The following LRP2 variants were observed in gnomAD, a reference collection of about 807,000 sequenced individuals.
LRP2 encodes LDL receptor related protein 2.
Under a neutral mutation model 531.0 loss-of-function variants are expected in LRP2, and 172 were observed. The ratio of observed to expected loss-of-function variants is 0.32; its 90% CI spans 0.29 to 0.37. The LOEUF is 0.37. LRP2 is among the 10% of genes least tolerant of loss of function. LRP2 has a pLI of 1.00. For missense variants in LRP2, 5,167 were observed against 5,868.3 expected (o/e 0.88, Z 3.90); for synonymous variants, 1,992 against 2,027.6 (o/e 0.98, Z 0.47).
At chr2:169,336,311 T>C (rs1685402123) in intron 1 of LRP2, among the ~76,000 whole-genome samples, 1 of 151,554 alleles carries the variant, frequency 6.6e-6, no homozygotes, top group South Asian at 2.1e-4. Context: ...GCTGAGGCAG[T>C]TGGATCACTG....
chr2:169,319,373 ATAAAAT>A (rs1381411608), intron 2 of LRP2, among the ~76,000 whole-genome samples: 1 of 152,236 alleles, frequency 6.6e-6, no homozygotes, highest in African/African-American at 2.4e-5. Context: ...TGTATGCATC[ATAAAAT>A]GGGGACTATA....
chr2:169,244,956 T>C (rs766709108), intron 21 of LRP2, 24 bp from the exon 22 acceptor site: 4 of 1,614,022 alleles, frequency 2.5e-6, no homozygotes, highest in Non-Finnish European at 3.4e-6. Context: ...AAACTGGTCA[T>C]GAAGACATTT....
At chr2:169,263,505 T>C (rs1015385052) in intron 16 of LRP2, among the ~76,000 whole-genome samples, 1 of 151,006 alleles carries the variant, frequency 6.6e-6, no homozygotes, top group African/African-American at 2.4e-5. Flanking sequence ...ATGCTCACCA[T>C]CACTGGCCAT....
intron 1 of LRP2, among the ~76,000 whole-genome samples, chr2:169,345,220 T>C (rs1685665744): frequency 1.3e-5 from 2 of 152,106 alleles, no homozygotes; most frequent in South Asian, 4.1e-4. Context: ...ATTTCTTGAG[T>C]GTGTTTTCTT....
At position 169,150,924 on chromosome 2, in the gene LRP2, A is replaced by G. The variant is rs767829235; in HGVS notation, c.12564T>C (p.Ala4188=). 61 of 1,613,994 alleles carry G rather than the reference A, an allele frequency of 3.8e-5. No homozygotes were observed. The highest frequency in any genetic ancestry group is 4.5e-5 in the Non-Finnish European group (53 of 1,179,972). ...WLISTDLDQP[A]AIAVNPKLGL... is the part of the protein sequence containing the mutation. ...CTAGTTTGGGATTCACAGCAATAGCAGCTGGTTGGTCCAGGTCAGTGGAAA... is the reference window on the plus strand; with the variant it reads ...CTAGTTTGGGATTCACAGCAATAGCGGCTGGTTGGTCCAGGTCAGTGGAAA... Residue 4188 remains alanine (A), a synonymous_variant, in exon 68 of 79, where the codon GCT becomes GCC. Coordinates refer to ENST00000649046, the MANE Select transcript of LRP2 (RefSeq NM_004525.3).
chr2:169,193,707 T>G (rs1232943699), intron 47 of LRP2, 54 bp downstream of exon 47: 2 of 1,611,608 alleles, frequency 1.2e-6, no homozygotes, highest in Admixed American at 3.3e-5. Flanking sequence ...AAAACAACTC[T>G]ACTGTGTTTC....
intron 4 of LRP2, among the ~76,000 whole-genome samples, chr2:169,296,389 G>GA (rs1276712684): frequency 6.6e-6 from 1 of 151,992 alleles, no homozygotes; most frequent in Non-Finnish European, 1.5e-5. Flanking sequence ...TCCTCGCTGA[G>GA]ATGATATGCC....
intron 47 of LRP2, among the ~76,000 whole-genome samples, chr2:169,192,355 G>A (rs998673577): frequency 2.0e-5 from 3 of 152,032 alleles, no homozygotes; most frequent in Non-Finnish European, 4.4e-5. Context: ...ACTGGATACC[G>A]AATGCCTTAT....
At position 169,140,514 on chromosome 2, in the gene LRP2, T is replaced by TG. The variant is rs80338754; in HGVS notation, c.13139dup (p.Cys4381MetfsTer12). The TG allele has an allele frequency of 8.7e-5, 138 of 1,586,762 alleles. No individual in the cohort carries two copies. Among genetic ancestry groups the TG allele is most frequent in the Non-Finnish European group, 8.0e-5 (93 of 1,157,184 alleles). On this transcript the variant is annotated frameshift_variant, in exon 72 of 79. Coordinates refer to ENST00000649046, the MANE Select transcript of LRP2 (RefSeq NM_004525.3). LOFTEE classifies it high-confidence loss of function. The stretch of plus-strand genomic sequence containing the variant: ...AATTTCCTCCGTGCATGCACCTGCA[T>TG]GGGGGGGGCAGGTTGATAGGCAGTT...
chr2:169,240,498 A>G (rs76871959), intron 25 of LRP2, among the ~76,000 whole-genome samples: 2,788 of 152,328 alleles, frequency 0.018, 88 homozygotes, highest in African/African-American at 0.063. Flanking sequence ...ATACTTCACA[A>G]TCATACCTGG....
At chr2:169,244,406 A>T (rs1314260207) in intron 22 of LRP2, among the ~76,000 whole-genome samples, 1 of 152,112 alleles carries the variant, frequency 6.6e-6, no homozygotes, top group Non-Finnish European at 1.5e-5. Flanking sequence ...TAGCTGAGGG[A>T]TTTTCACTTT....
At chr2:169,340,913 C>A (rs924107723) in intron 1 of LRP2, among the ~76,000 whole-genome samples, 19 of 152,118 alleles carry the variant, frequency 1.2e-4, no homozygotes, top group Non-Finnish European at 2.5e-4. Context: ...ATGCTTATGC[C>A]TGACACTGTG....
At chr2:169,327,485 TGGG>T (rs1191967247) in intron 1 of LRP2, among the ~76,000 whole-genome samples, 6 of 57,084 alleles carry the variant, frequency 1.1e-4, no homozygotes, top group Admixed American at 7.0e-4. Context: ...GGGAGGGAGG[TGGG>T]GGGGTCAGCC....
intron 1 of LRP2, among the ~76,000 whole-genome samples, chr2:169,346,915 A>G (rs752068686): frequency 6.6e-6 from 1 of 152,228 alleles, no homozygotes; most frequent in Admixed American, 6.5e-5. Context: ...CAGCCATACT[A>G]GAAGCTTTTA....
chr2:169,327,325 C>G (rs866452311), intron 1 of LRP2, among the ~76,000 whole-genome samples: 1 of 128,348 alleles, frequency 7.8e-6, no homozygotes, highest in African/African-American at 2.9e-5. Context: ...GGTCAGCCCC[C>G]CGCCCGGCCA....
intron 46 of LRP2, among the ~76,000 whole-genome samples, chr2:169,195,711 A>G (rs1687981840): frequency 6.6e-6 from 1 of 152,308 alleles, no homozygotes; most frequent in African/African-American, 2.4e-5. Flanking sequence ...TATTCTACTC[A>G]TCCAGCAGTT....
At chr2:169,267,643 G>C (rs989747721) in intron 16 of LRP2, among the ~76,000 whole-genome samples, 1 of 152,024 alleles carries the variant, frequency 6.6e-6, no homozygotes, top group Non-Finnish European at 1.5e-5. Context: ...AATGCCCACA[G>C]GAGAAAGCAG....
chr2:169,162,281 T>G (rs1186512700), intron 63 of LRP2, among the ~76,000 whole-genome samples, 191 bp downstream of exon 63: 1 of 152,214 alleles, frequency 6.6e-6, no homozygotes, highest in African/African-American at 2.4e-5. Context: ...CTACCAGGCA[T>G]GTAGAATGTT....
At chr2:169,304,510 A>G (rs770548259) in intron 4 of LRP2, among the ~76,000 whole-genome samples, 18 of 152,170 alleles carry the variant, frequency 1.2e-4, no homozygotes, top group Non-Finnish European at 1.8e-4. Flanking sequence ...AAAATATAAC[A>G]TATGGTTTAT....
Sources: allele counts gnomAD v4.1 joint callset (sites outside exome capture counted in the v4.1 genomes callset), GRCh38; gene constraint gnomAD v4.1.1; transcripts MANE v1.5; gene names NCBI Gene and HGNC (gene_info 2026-07-23, HGNC 2026-07-21).